Variants in RALYL observed in about 807,000 individuals in gnomAD.
The protein encoded by RALYL is RNA-binding Raly-like protein.
In RALYL, 29 loss-of-function variants were observed where a neutral mutation model predicts 35.1. The observed-to-expected ratio is 0.83, with a 90% confidence interval of 0.61 to 1.13. RALYL has a LOEUF of 1.13. RALYL is among the 50% of genes most tolerant of loss of function. The pLI is 0.00. For missense variants in RALYL, 359 were observed against 360.4 expected (o/e 1.00, Z 0.03); for synonymous variants, 120 against 127.6 (o/e 0.94, Z 0.40).
At chr8:84,490,839 T>G (rs1463352387) in intron 1 of RALYL, among the ~76,000 whole-genome samples, 1 of 151,790 alleles carries the variant, frequency 6.6e-6, no homozygotes, top group Non-Finnish European at 1.5e-5. Flanking sequence ...ACATCTAGAC[T>G]ATTGGTAGAA....
At chr8:84,902,246 G>A (rs111726582) in intron 8 of RALYL, among the ~76,000 whole-genome samples, 3,659 of 152,206 alleles carry the variant, frequency 0.024, 65 homozygotes, top group Middle Eastern at 0.037. Flanking sequence ...GATGCAGCAG[G>A]AGTAGGCAGG....
intron 1 of RALYL, among the ~76,000 whole-genome samples, chr8:84,504,302 T>A (rs914330959): frequency 6.6e-6 from 1 of 152,142 alleles, no homozygotes; most frequent in Non-Finnish European, 1.5e-5. Context: ...TGATAGAAAC[T>A]AAATTTTTGT....
At chr8:84,770,540 C>A (rs1050100860) in intron 2 of RALYL, among the ~76,000 whole-genome samples, 1 of 151,456 alleles carries the variant, frequency 6.6e-6, no homozygotes, top group African/African-American at 2.4e-5. Context: ...CGTATAATGA[C>A]TTCTTTTCCT....
At chr8:84,725,326 C>T (rs1296003506) in intron 2 of RALYL, among the ~76,000 whole-genome samples, 2 of 151,564 alleles carry the variant, frequency 1.3e-5, no homozygotes, top group African/African-American at 4.8e-5. Flanking sequence ...ATTTCTTTTT[C>T]CATTACTATA....
chr8:84,292,908 C>T (rs1207406827), intron 1 of RALYL, among the ~76,000 whole-genome samples: 1 of 152,086 alleles, frequency 6.6e-6, no homozygotes, highest in Non-Finnish European at 1.5e-5. Context: ...CGTACTTGCC[C>T]TGAATTCTTT....
intron 4 of RALYL, chr8:84,828,900 T>G (rs1429580910): frequency 6.5e-6 from 1 of 152,846 alleles, no homozygotes; most frequent in Non-Finnish European, 1.5e-5. Context: ...TCAAAATGCT[T>G]TATACATTAT....
intron 2 of RALYL, among the ~76,000 whole-genome samples, chr8:84,640,570 A>C (rs1340516863): frequency 6.6e-6 from 1 of 152,020 alleles, no homozygotes; most frequent in African/African-American, 2.4e-5. Context: ...CAAGATGACA[A>C]AATCAGGTTA....
intron 1 of RALYL, among the ~76,000 whole-genome samples, chr8:84,306,353 T>C (rs1316364786): frequency 2.0e-5 from 3 of 152,176 alleles, no homozygotes; most frequent in African/African-American, 7.2e-5. Context: ...AGTGATATTT[T>C]GGGTGGGTCT....
intron 1 of RALYL, among the ~76,000 whole-genome samples, chr8:84,509,404 T>C (rs914521608): frequency 6.6e-6 from 1 of 152,188 alleles, no homozygotes; most frequent in East Asian, 1.9e-4. Context: ...TACTGCTGTA[T>C]GAGGCCATAA....
At chr8:84,716,046 A>G (rs1183330293) in intron 2 of RALYL, among the ~76,000 whole-genome samples, 1 of 152,074 alleles carries the variant, frequency 6.6e-6, no homozygotes, top group East Asian at 1.9e-4. Flanking sequence ...AAAATGTTAT[A>G]TTTCATATTA....
intron 8 of RALYL, among the ~76,000 whole-genome samples, chr8:84,913,887 C>A (rs1412529515): frequency 1.3e-5 from 2 of 151,698 alleles, no homozygotes; most frequent in African/African-American, 4.8e-5. Context: ...CATACTATTT[C>A]ACTTACTGTC....
At chr8:84,710,067 A>G (rs1841918648) in intron 2 of RALYL, among the ~76,000 whole-genome samples, 1 of 152,056 alleles carries the variant, frequency 6.6e-6, no homozygotes, top group Non-Finnish European at 1.5e-5. Context: ...TCTCAAAAAA[A>G]CAAACAAATA....
At chr8:84,918,389 C>T (rs1848803517) in intron 8 of RALYL, among the ~76,000 whole-genome samples, 1 of 151,944 alleles carries the variant, frequency 6.6e-6, no homozygotes, top group Admixed American at 6.6e-5. Flanking sequence ...GAAGTAATTG[C>T]TTGGTTCAAT....
intron 2 of RALYL, among the ~76,000 whole-genome samples, chr8:84,666,504 T>C (rs1588879781): frequency 6.6e-6 from 1 of 151,942 alleles, no homozygotes; most frequent in Non-Finnish European, 1.5e-5. Context: ...GCATTGAAAA[T>C]GATACAGAGC....
intron 1 of RALYL, among the ~76,000 whole-genome samples, chr8:84,421,864 A>T (rs2045663633): frequency 6.7e-6 from 1 of 148,302 alleles, no homozygotes; most frequent in Admixed American, 6.7e-5. Flanking sequence ...TGATTTGCGT[A>T]TATTGAACCA....
At chr8:84,281,051 G>T (rs1167842605) in intron 1 of RALYL, among the ~76,000 whole-genome samples, 1 of 152,112 alleles carries the variant, frequency 6.6e-6, no homozygotes, top group Non-Finnish European at 1.5e-5. Flanking sequence ...AGTCCAAGCT[G>T]ATAGCTATGC....
At chr8:84,740,048 T>C (rs972868428) in intron 2 of RALYL, among the ~76,000 whole-genome samples, 1 of 151,638 alleles carries the variant, frequency 6.6e-6, no homozygotes, top group African/African-American at 2.4e-5. Flanking sequence ...AATAGAAGAA[T>C]AAAGCCTAAG....
intron 1 of RALYL, among the ~76,000 whole-genome samples, chr8:84,429,130 C>T (rs190952613): frequency 6.6e-6 from 1 of 152,052 alleles, no homozygotes; most frequent in East Asian, 1.9e-4. Context: ...TAGGAAGGGG[C>T]ACGAAAAAGC....
At chr8:84,744,401 G>C (rs1808117443) in intron 2 of RALYL, among the ~76,000 whole-genome samples, 1 of 151,944 alleles carries the variant, frequency 6.6e-6, no homozygotes. Context: ...GCAGGATTGA[G>C]CTTGACATTC....
Sources: allele counts gnomAD v4.1 joint callset (sites outside exome capture counted in the v4.1 genomes callset), GRCh38; gene constraint gnomAD v4.1.1; transcripts MANE v1.5; gene names NCBI Gene and HGNC (gene_info 2026-07-23, HGNC 2026-07-21).